Variants in SYNPR observed in about 807,000 individuals in gnomAD.
SYNPR encodes the protein synaptoporin.
SYNPR carries 23 observed loss-of-function variants against 32.9 expected under a neutral mutation model. The ratio of observed to expected loss-of-function variants is 0.70; its 90% confidence interval spans 0.50 to 0.99. SYNPR has a LOEUF of 0.99. Ranked by LOEUF, SYNPR falls within the 50% of genes least tolerant of loss-of-function variation. The pLI is 0.00. For missense variants in SYNPR, 318 were observed against 349.3 expected (o/e 0.91, Z 0.71); for synonymous variants, 146 against 135.9 (o/e 1.07, Z -0.52).
At chr3:63,232,040 T>C (rs1359983341) in intron 1 of SYNPR, among the ~76,000 whole-genome samples, 2 of 152,110 alleles carry the variant, frequency 1.3e-5, no homozygotes, top group African/African-American at 4.8e-5. Context: ...CAAAGAGTTA[T>C]AACTCAGAGC....
At chr3:63,367,905 G>A (rs922329232) in intron 2 of SYNPR, among the ~76,000 whole-genome samples, 5 of 152,172 alleles carry the variant, frequency 3.3e-5, no homozygotes, top group Non-Finnish European at 5.9e-5. Context: ...GATAATACTA[G>A]TAGTTAAAGG....
At chr3:63,342,638 T>C (rs1275947720) in intron 2 of SYNPR, among the ~76,000 whole-genome samples, 2 of 152,240 alleles carry the variant, frequency 1.3e-5, no homozygotes, top group Admixed American at 1.3e-4. Flanking sequence ...TAAAATGAGT[T>C]GGAAAGTGTT....
intron 2 of SYNPR, among the ~76,000 whole-genome samples, chr3:63,264,942 C>A (rs2086471148): frequency 6.6e-6 from 1 of 151,774 alleles, no homozygotes; most frequent in South Asian, 2.1e-4. Context: ...AGCCATGATT[C>A]AATTGCTTCC....
intron 4 of SYNPR, among the ~76,000 whole-genome samples, chr3:63,564,971 TCCCAAC>T (rs1329707677): frequency 6.6e-6 from 1 of 152,214 alleles, no homozygotes; most frequent in African/African-American, 2.4e-5. Context: ...AAAATGTCTG[TCCCAAC>T]CCCATCCACG....
intron 2 of SYNPR, among the ~76,000 whole-genome samples, chr3:63,479,426 C>T (rs1700997951): frequency 7.8e-6 from 1 of 128,376 alleles, no homozygotes. Context: ...AAACTAGTCA[C>T]TTAAAACTGC....
chr3:63,290,475 T>G (rs930480974), intron 2 of SYNPR, among the ~76,000 whole-genome samples: 1 of 152,300 alleles, frequency 6.6e-6, no homozygotes, highest in East Asian at 1.9e-4. Flanking sequence ...AATGCCCTCA[T>G]GACTAAGGAT....
intron 3 of SYNPR, among the ~76,000 whole-genome samples, chr3:63,546,999 CTT>C (rs1425748842): frequency 6.6e-6 from 1 of 152,136 alleles, no homozygotes; most frequent in Non-Finnish European, 1.5e-5. Flanking sequence ...GAGTTCATCT[CTT>C]GAGTCTGGCA....
chr3:63,574,214 CCAATGA>C (rs1325465430), intron 4 of SYNPR, among the ~76,000 whole-genome samples: 1 of 152,096 alleles, frequency 6.6e-6, no homozygotes, highest in Admixed American at 6.6e-5. Context: ...AATATTCAGG[CCAATGA>C]TACAGAGTGA....
In SYNPR at chr3:63,549,697, A is replaced by G. The variant is rs141145812; in HGVS notation, c.210-6846A>G. Among the ~76,000 whole-genome samples the G allele has an allele frequency of 7.2e-5, 11 of 152,350 alleles. No homozygotes were observed. In the East Asian group the frequency reaches 2.1e-3, roughly 29 times the overall value. ...TGTCTTGCTCCAGTCCCCTGAAAGG[A>G]TAGTTGCATTTAATATTACTCCAGA... On this transcript the variant is annotated intron_variant, in intron 3 of 5. Transcript: ENST00000478300.
At chr3:63,554,330 C>T (rs1702558366) in intron 3 of SYNPR, among the ~76,000 whole-genome samples, 1 of 152,072 alleles carries the variant, frequency 6.6e-6, no homozygotes. Context: ...AGGTTTTCTT[C>T]CAGGAGTTTG....
At chr3:63,396,880 G>A (rs1037643083) in intron 2 of SYNPR, among the ~76,000 whole-genome samples, 10 of 152,080 alleles carry the variant, frequency 6.6e-5, no homozygotes, top group Non-Finnish European at 1.5e-4. Flanking sequence ...CGAGGCGGGT[G>A]GATCACGAGG....
At chr3:63,316,938 T>A (rs1293041158) in intron 2 of SYNPR, among the ~76,000 whole-genome samples, 1 of 151,996 alleles carries the variant, frequency 6.6e-6, no homozygotes, top group Non-Finnish European at 1.5e-5. Flanking sequence ...GTGTCATTAT[T>A]GTCATTCAAT....
chr3:63,494,966 G>A (rs1701344010), intron 3 of SYNPR, among the ~76,000 whole-genome samples: 2 of 152,094 alleles, frequency 1.3e-5, no homozygotes, highest in East Asian at 1.9e-4. Flanking sequence ...TTAGCAAATG[G>A]TTCTCAGAGA....
intron 4 of SYNPR, among the ~76,000 whole-genome samples, chr3:63,599,616 C>CT (rs1303603892): frequency 6.6e-6 from 1 of 152,096 alleles, no homozygotes; most frequent in Non-Finnish European, 1.5e-5. Context: ...ATGAAATCAC[C>CT]TTTTTTTCAG....
chr3:63,587,648 C>T (rs1348608485), intron 4 of SYNPR, among the ~76,000 whole-genome samples: 1 of 152,066 alleles, frequency 6.6e-6, no homozygotes, highest in Non-Finnish European at 1.5e-5. Flanking sequence ...GAGGATCTTA[C>T]TTGATTCAGA....
intron 2 of SYNPR, among the ~76,000 whole-genome samples, chr3:63,468,194 C>CAAAAAAA (rs552378431): frequency 1.2e-5 from 1 of 80,830 alleles, no homozygotes; most frequent in Non-Finnish European, 2.6e-5. Flanking sequence ...AACTCCATCT[C>CAAAAAAA]AAAAAAAAAA....
In SYNPR at chr3:63,327,660, A is replaced by G. The variant is rs974033042; in HGVS notation, c.84+48918A>G. Among the ~76,000 whole-genome samples, 7 of 152,294 alleles carry G rather than the reference A, an allele frequency of 4.6e-5. No homozygotes were observed. In the South Asian group the frequency reaches 1.4e-3, roughly 32 times the overall value. On this transcript the variant is annotated intron_variant, in intron 2 of 5. Coordinates refer to ENST00000478300, the MANE Select transcript of SYNPR (RefSeq NM_001130003.2). ...ACATGAATGAATTTCACCCAAAAAAACTGAGCAAAAGAAACTAGATACAAA... is the reference window on the plus strand; with the variant it reads ...ACATGAATGAATTTCACCCAAAAAAGCTGAGCAAAAGAAACTAGATACAAA...
intron 2 of SYNPR, among the ~76,000 whole-genome samples, chr3:63,383,003 A>T (rs888737300): frequency 6.6e-6 from 1 of 152,200 alleles, no homozygotes; most frequent in Non-Finnish European, 1.5e-5. Context: ...GATTTACTTC[A>T]GGTTTAATTC....
intron 2 of SYNPR, among the ~76,000 whole-genome samples, chr3:63,350,803 T>C (rs940416094): frequency 2.0e-5 from 3 of 152,196 alleles, no homozygotes; most frequent in Non-Finnish European, 4.4e-5. Flanking sequence ...TGGAGAACCC[T>C]TGTCCCTCCC....
Sources: allele counts gnomAD v4.1 joint callset (sites outside exome capture counted in the v4.1 genomes callset), GRCh38; gene constraint gnomAD v4.1.1; transcripts MANE v1.5; gene names NCBI Gene and HGNC (gene_info 2026-07-23, HGNC 2026-07-21).